The following LGSN variants were observed in gnomAD, a reference collection of about 807,000 sequenced individuals.
LGSN encodes the protein lengsin, lens protein with glutamine synthetase domain.
LGSN carries 21 observed loss-of-function variants against 19.5 expected under a neutral mutation model. That is an observed-to-expected ratio of 1.07 (90% CI 0.76 to 1.55). The LOEUF (loss-of-function observed/expected upper bound fraction) is 1.55. Among genes scored for constraint, LGSN ranks in the 40% most tolerant of loss-of-function variants. LGSN has a pLI of 0.00. For synonymous variants in LGSN, 257 were observed against 215.6 expected (o/e 1.19, Z -1.68); for missense variants, 673 against 608.5 (o/e 1.11, Z -1.12).
the LGSN span, among the ~76,000 whole-genome samples, chr6:63,559,554 G>A: frequency 6.6e-6 from 1 of 152,074 alleles, no homozygotes; most frequent in Admixed American, 6.6e-5. Context: ...AGACCATCCT[G>A]GCCAACATGG....
At chr6:63,404,952 C>A in the LGSN span, among the ~76,000 whole-genome samples, 1 of 114,670 alleles carries the variant, frequency 8.7e-6, no homozygotes, top group African/African-American at 3.3e-5. Context: ...CTATCCCTCC[C>A]CCCGCCCCCC....
the LGSN span, among the ~76,000 whole-genome samples, chr6:63,488,084 G>A: frequency 2.0e-5 from 3 of 151,972 alleles, no homozygotes; most frequent in African/African-American, 4.8e-5. Context: ...CTGCACATCA[G>A]GGAAGTTTTT....
the LGSN span, among the ~76,000 whole-genome samples, chr6:63,528,393 A>G: frequency 1.1e-4 from 17 of 151,738 alleles, no homozygotes; most frequent in Admixed American, 1.1e-3. Flanking sequence ...CCCAGCAATT[A>G]GAAATCAGCC....
the LGSN span, among the ~76,000 whole-genome samples, chr6:63,379,390 C>T: frequency 6.6e-6 from 1 of 152,114 alleles, no homozygotes; most frequent in Non-Finnish European, 1.5e-5. Context: ...ACATCCAGTG[C>T]CATCAGATCA....
chr6:63,552,050 G>A, the LGSN span, among the ~76,000 whole-genome samples: 1 of 152,142 alleles, frequency 6.6e-6, no homozygotes, highest in Non-Finnish European at 1.5e-5. Context: ...TCCTTTGGGT[G>A]TATACCCAGT....
chr6:63,554,277 C>A, the LGSN span, among the ~76,000 whole-genome samples: 6 of 152,278 alleles, frequency 3.9e-5, no homozygotes, highest in Admixed American at 2.0e-4. Context: ...CTCTCTTAAA[C>A]CTCAAAGTAT....
intron 2 of LGSN, among the ~76,000 whole-genome samples, chr6:63,294,412 C>T (rs1767897047): frequency 6.6e-6 from 1 of 151,970 alleles, no homozygotes; most frequent in African/African-American, 2.4e-5. Context: ...TTTATTGTAA[C>T]CATATGCTGG....
At chr6:63,315,637 TG>T (rs1768816603) in intron 1 of LGSN, among the ~76,000 whole-genome samples, 1 of 151,232 alleles carries the variant, frequency 6.6e-6, no homozygotes, top group Non-Finnish European at 1.5e-5. Flanking sequence ...TGTGTGTGTG[TG>T]TGTGTGTGTG....
the LGSN span, among the ~76,000 whole-genome samples, chr6:63,412,772 G>GAGAGAGAAAGAAAGA: frequency 3.2e-4 from 13 of 41,144 alleles, no homozygotes; most frequent in African/African-American, 1.2e-3. Flanking sequence ...AGAAAGAAAG[G>GAGAGAGAAAGAAAGA]AAGGAAGGGA....
the LGSN span, among the ~76,000 whole-genome samples, chr6:63,432,893 A>C: frequency 6.6e-6 from 1 of 152,224 alleles, no homozygotes; most frequent in African/African-American, 2.4e-5. Context: ...GGAGTTGTAA[A>C]CCTAAAGACA....
the LGSN span, among the ~76,000 whole-genome samples, chr6:63,457,218 A>T: frequency 6.6e-6 from 1 of 152,220 alleles, no homozygotes; most frequent in Non-Finnish European, 1.5e-5. Context: ...CTAAAAATAT[A>T]GTTTGGACCG....
the LGSN span, among the ~76,000 whole-genome samples, chr6:63,466,696 A>G: frequency 6.6e-6 from 1 of 152,148 alleles, no homozygotes; most frequent in Non-Finnish European, 1.5e-5. Context: ...TATGACTCCA[A>G]AGTTTTGGAC....
chr6:63,401,877 T>G, the LGSN span, among the ~76,000 whole-genome samples: 1 of 152,256 alleles, frequency 6.6e-6, no homozygotes, highest in African/African-American at 2.4e-5. Flanking sequence ...TCAAAGAAAG[T>G]TTAATGAAGG....
the LGSN span, among the ~76,000 whole-genome samples, chr6:63,516,683 G>GA: frequency 6.6e-6 from 1 of 152,132 alleles, no homozygotes; most frequent in East Asian, 1.9e-4. Context: ...CAGGTGAGTG[G>GA]AAAAAAATCT....
chr6:63,307,604 T>G (rs1325055609), intron 1 of LGSN, among the ~76,000 whole-genome samples: 1 of 152,230 alleles, frequency 6.6e-6, no homozygotes, highest in Non-Finnish European at 1.5e-5. Context: ...TTTAGAAATA[T>G]TTGACCATTT....
At chr6:63,483,297 A>G in the LGSN span, among the ~76,000 whole-genome samples, 1 of 151,308 alleles carries the variant, frequency 6.6e-6, no homozygotes, top group African/African-American at 2.4e-5. Context: ...TTTTCATCTC[A>G]TTGTTCCATG....
At chr6:63,559,039 GA>G in the LGSN span, among the ~76,000 whole-genome samples, 2 of 152,188 alleles carry the variant, frequency 1.3e-5, no homozygotes, top group Non-Finnish European at 2.9e-5. Flanking sequence ...ATGGAGGCGA[GA>G]AGGATAGATC....
At chr6:63,331,077 G>A in the LGSN span, among the ~76,000 whole-genome samples, 66 of 152,242 alleles carry the variant, frequency 4.3e-4, no homozygotes, top group Non-Finnish European at 8.7e-4. Flanking sequence ...CCGATAGCCC[G>A]GGGGGTTTTG....
the LGSN span, among the ~76,000 whole-genome samples, chr6:63,462,387 C>T: frequency 2.6e-5 from 4 of 152,134 alleles, no homozygotes; most frequent in African/African-American, 9.7e-5. Flanking sequence ...AATCCCAGCA[C>T]TTTGGGAGGC....
Sources: allele counts gnomAD v4.1 joint callset (sites outside exome capture counted in the v4.1 genomes callset), GRCh38; gene constraint gnomAD v4.1.1; transcripts MANE v1.5; gene names NCBI Gene and HGNC (gene_info 2026-07-23, HGNC 2026-07-21).